Variants in ITPK1 observed in about 807,000 individuals in gnomAD.
The protein encoded by ITPK1 is inositol-tetrakisphosphate 1-kinase, also known as inositol 1,3,4-trisphosphate 5/6-kinase.
A neutral mutation model predicts 45.3 loss-of-function variants in ITPK1; 21 were observed. The observed-to-expected ratio is 0.46, with a 90% CI of 0.33 to 0.67. ITPK1 has a LOEUF of 0.67. ITPK1 is among the 30% of genes least tolerant of loss of function. The probability of loss-of-function intolerance (pLI) is 0.02; values close to 1 mark genes in which losing one functional copy is unlikely to be tolerated. For missense variants in ITPK1, 474 were observed against 573.5 expected (o/e 0.83, Z 1.77); for synonymous variants, 258 against 253.6 (o/e 1.02, Z -0.16).
intron 4 of ITPK1, 27 bp from the exon 5 acceptor site, chr14:92,994,024 T>TAACC: frequency 6.8e-6 from 10 of 1,473,288 alleles, no homozygotes; most frequent in African/African-American, 1.4e-5. Flanking sequence ...CTGCTCTGGT[T>TAACC]AGAGCAGGGG....
At chr14:92,976,117 C>G (rs111631637) in intron 5 of ITPK1, among the ~76,000 whole-genome samples, 1 of 152,332 alleles carries the variant, frequency 6.6e-6, no homozygotes, top group African/African-American at 2.4e-5. Flanking sequence ...ATAAATGACA[C>G]AGTCTTGGGT....
chr14:92,955,948 C>A (rs542653577), intron 8 of ITPK1, among the ~76,000 whole-genome samples: 1 of 152,304 alleles, frequency 6.6e-6, no homozygotes, highest in South Asian at 2.1e-4. Context: ...AGAACATACA[C>A]GTAGAAACCA....
chr14:93,024,933 G>A (rs1009148104), intron 3 of ITPK1, among the ~76,000 whole-genome samples: 6 of 152,106 alleles, frequency 3.9e-5, no homozygotes, highest in Non-Finnish European at 8.8e-5. Flanking sequence ...GATTGAGGCT[G>A]GGGGGAGCTA....
chr14:92,941,469 G>A lies in ITPK1; in HGVS notation c.*92C>T. 7.0e-7 allele frequency: 1 copy of A among 1,437,464 alleles called. No individual in the cohort carries two copies. The highest frequency in any genetic ancestry group is 1.4e-5 in the South Asian group (1 of 70,580). 89.0% of individuals were successfully genotyped at this position (1,437,464 alleles called of 1,614,324 possible). A position where few individuals can be genotyped will look rare whatever the true frequency, so the allele number is the denominator to read the frequency against. On this transcript the variant is annotated 3_prime_UTR_variant, in exon 11 of 11. Coordinates refer to ENST00000267615, the MANE Select transcript of ITPK1 (RefSeq NM_014216.6). ...AAAAACAGAAGAATCAGATCACTGG[G>A]GATTCTTAGTAGTAGCATCGCCGTT...
chr14:93,004,249 C>A (rs1400275763), intron 4 of ITPK1, among the ~76,000 whole-genome samples: 2 of 152,238 alleles, frequency 1.3e-5, no homozygotes, highest in African/African-American at 4.8e-5. Flanking sequence ...AGGCACCGAC[C>A]ACCAGCCCAA....
rs1055880455 is a variant in ITPK1, at chr14:93,036,716, T to C, written c.121-19915A>G. 6.6e-6 allele frequency: 1 copy of C among 152,264 alleles called. No homozygotes were observed. The highest frequency in any genetic ancestry group is 2.4e-5 in the African/African-American group (1 of 41,412). 9.4% of individuals were successfully genotyped at this position (152,264 alleles called of 1,614,324 possible). ...ATCGTTACCAACAACCCGCACCGCA[T>C]TCTCTCCCACTCATCTCAATACCGC... On this transcript the variant is annotated intron_variant, in intron 3 of 10. Transcript: ENST00000267615. This position sits in a 1 kb window ranked among gnomAD's most constrained non-coding sequence, Gnocchi z 4.1.
intron 4 of ITPK1, among the ~76,000 whole-genome samples, chr14:92,998,316 A>C (rs1176088090): frequency 1.3e-5 from 2 of 152,082 alleles, no homozygotes; most frequent in Non-Finnish European, 2.9e-5. Context: ...TGTGCAGCCG[A>C]CCCCAGAGGA....
chr14:92,986,342 T>C (rs55919031), intron 5 of ITPK1, among the ~76,000 whole-genome samples: 30,823 of 152,104 alleles, frequency 0.2, 3,443 homozygotes, highest in East Asian at 0.32. Context: ...GCCAGGAGAC[T>C]CAGTGTGAGT....
intron 5 of ITPK1, among the ~76,000 whole-genome samples, chr14:92,971,781 C>T (rs890005142): frequency 1.3e-5 from 2 of 152,218 alleles, no homozygotes; most frequent in African/African-American, 2.4e-5. Context: ...TGCCGCCCAC[C>T]TCCCGGGGTG....
chr14:93,079,110 G>T (rs1891341245), intron 2 of ITPK1, among the ~76,000 whole-genome samples: 1 of 152,086 alleles, frequency 6.6e-6, no homozygotes, highest in Admixed American at 6.6e-5. Flanking sequence ...ATCATCCCAG[G>T]CAGCTCTCCC....
rs1032179158 is a variant in ITPK1, at chr14:93,100,055, G to A, written c.95+15014C>T. Among the ~76,000 whole-genome samples the A allele has an allele frequency of 3.2e-4, 48 of 152,192 alleles. 1 individual carries two copies. The highest frequency in any genetic ancestry group is 1.0e-4 in the Non-Finnish European group (7 of 68,032). On this transcript the variant is annotated intron_variant, in intron 2 of 10. Coordinates refer to ENST00000267615, the MANE Select transcript of ITPK1 (RefSeq NM_014216.6). ...TGCCAAACATCCCTCCCCTGCCTCT[G>A]GGAAACAGTGCCCCTGCAGCATCCT... is the stretch of plus-strand genomic sequence containing the variant.
At position 93,085,980 on chromosome 14, in the gene ITPK1, AC is replaced by A. The variant is rs1299915886; in HGVS notation, c.96-9362del. Among the ~76,000 whole-genome samples, 3 of 150,886 alleles carry A rather than the reference AC, an allele frequency of 2.0e-5. No homozygotes were observed. The East Asian group carries it at 5.9e-4, about 30-fold the overall frequency. ...TCTAGCACCTCCTCCCCTCCCCGCT[AC>A]CCCCACTCCCCCTCCTCCGTCAGCC... On this transcript the variant is annotated intron_variant, in intron 2 of 10. Transcript: ENST00000267615.
At chr14:93,009,200 G>T (rs548928806) in intron 4 of ITPK1, among the ~76,000 whole-genome samples, 2 of 152,342 alleles carry the variant, frequency 1.3e-5, no homozygotes, top group East Asian at 3.9e-4. Context: ...TGTCAATCAT[G>T]TTGAGGTTAA....
Position 93,036,847 on chromosome 14 carries a change from C to T in ITPK1, c.121-20046G>A, listed in dbSNP as rs1889342818. 1 of 152,326 alleles carries T rather than the reference C, an allele frequency of 6.6e-6. No individual in the cohort carries two copies. Among genetic ancestry groups the T allele is most frequent in the Non-Finnish European group, 1.5e-5 (1 of 68,118 alleles). 9.4% of individuals were successfully genotyped at this position (152,326 alleles called of 1,614,324 possible). On this transcript the variant is annotated intron_variant, in intron 3 of 10. Coordinates refer to ENST00000267615, the MANE Select transcript of ITPK1 (RefSeq NM_014216.6). This position sits in a 1 kb window ranked among gnomAD's most constrained non-coding sequence, Gnocchi z 4.1. ...TGACAGCTGCCAAAAAGGGACCTAC[C>T]TGCTGTCAAGGGGTGGAAGCCCCAA...
At chr14:93,055,641 G>C (rs201149978) in intron 3 of ITPK1, among the ~76,000 whole-genome samples, 2 of 152,130 alleles carry the variant, frequency 1.3e-5, no homozygotes, top group East Asian at 3.8e-4. Flanking sequence ...GCATGAGCTC[G>C]GGACTCCTCT....
chr14:93,026,774 AGAGAACGGG>A (rs150966821), intron 3 of ITPK1, among the ~76,000 whole-genome samples: 4,288 of 152,300 alleles, frequency 0.028, 176 homozygotes, highest in African/African-American at 0.098. Flanking sequence ...CTGCCACAGA[AGAGAACGGG>A]GAGTGCTTTC....
intron 3 of ITPK1, chr14:93,072,284 A>G (rs1891042678): frequency 6.6e-6 from 1 of 151,476 alleles, no homozygotes; most frequent in African/African-American, 2.4e-5. Context: ...CCTGGGCGAC[A>G]AGAGCGAGAC....
At chr14:92,942,577 A>G (rs902469802) in intron 10 of ITPK1, among the ~76,000 whole-genome samples, 4 of 152,204 alleles carry the variant, frequency 2.6e-5, no homozygotes, top group African/African-American at 7.2e-5. Context: ...TGAGGATCAC[A>G]GCCAAGGAAC....
chr14:93,062,042 G>A (rs561022474), intron 3 of ITPK1, among the ~76,000 whole-genome samples: 47 of 152,226 alleles, frequency 3.1e-4, no homozygotes, highest in Non-Finnish European at 5.1e-4. Flanking sequence ...AAGCCGAGGC[G>A]GGCAGATCAC....
Sources: gnomAD v4.1 joint callset for allele counts (sites outside exome capture counted in the v4.1 genomes callset) on GRCh38, gnomAD v4.1.1 for gene constraint, Gnocchi (gnomAD v3.1) non-coding constraint, MANE v1.5 for transcripts, NCBI Gene and HGNC (gene_info 2026-07-23, HGNC 2026-07-21) for gene names.